The following GLIS3 variants were observed in gnomAD, a reference collection of about 807,000 sequenced individuals.
GLIS3 encodes the protein zinc finger protein GLIS3.
A neutral mutation model predicts 78.6 loss-of-function variants in GLIS3; 53 were observed. The observed-to-expected ratio is 0.67, with a 90% confidence interval of 0.54 to 0.85. The LOEUF (loss-of-function observed/expected upper bound fraction) is 0.85. Ranked by LOEUF, GLIS3 falls within the 40% of genes least tolerant of loss-of-function variation. The pLI, the probability that GLIS3 is intolerant of heterozygous loss-of-function variation, is 0.00. For synonymous variants in GLIS3, 684 were observed against 509.9 expected (o/e 1.34, Z -4.60); for missense variants, 1,703 against 1,231.1 (o/e 1.38, Z -5.74).
chr9:4,179,079 G>A (rs1469877616), intron 2 of GLIS3, among the ~76,000 whole-genome samples: 3 of 152,110 alleles, frequency 2.0e-5, no homozygotes, highest in Admixed American at 2.0e-4. Context: ...AGTTTTGGAT[G>A]GTGCAATAAT....
intron 2 of GLIS3, among the ~76,000 whole-genome samples, chr9:4,184,436 C>G (rs10814864): frequency 0.11 from 15,987 of 152,250 alleles, 1,053 homozygotes; most frequent in East Asian, 0.22. Context: ...ACCCCCACTT[C>G]AAAGGGAGAC....
intron 2 of GLIS3, among the ~76,000 whole-genome samples, chr9:4,228,986 T>C (rs1480357716): frequency 6.7e-6 from 1 of 148,550 alleles, no homozygotes; most frequent in Non-Finnish European, 1.5e-5. Context: ...AGCAAGATTC[T>C]AGCAATAGTT....
chr9:4,436,366 A>T, the GLIS3 span, among the ~76,000 whole-genome samples: 2 of 152,254 alleles, frequency 1.3e-5, no homozygotes, highest in South Asian at 4.1e-4. Context: ...AATAGGAAAT[A>T]AGATAAAATT....
chr9:3,906,363 G>A (rs1823701184), intron 6 of GLIS3, among the ~76,000 whole-genome samples: 1 of 152,186 alleles, frequency 6.6e-6, no homozygotes, highest in African/African-American at 2.4e-5. Flanking sequence ...GAGGGGGTGA[G>A]AAGTGGTCCA....
chr9:3,944,289 A>G (rs73641233), intron 4 of GLIS3, among the ~76,000 whole-genome samples: 1,943 of 152,360 alleles, frequency 0.013, 40 homozygotes, highest in African/African-American at 0.045. Flanking sequence ...GAAATTATCA[A>G]GTGTCTGGTT....
intron 4 of GLIS3, among the ~76,000 whole-genome samples, chr9:4,084,182 G>C (rs1828799490): frequency 6.6e-6 from 1 of 151,602 alleles, no homozygotes; most frequent in Non-Finnish European, 1.5e-5. Context: ...AAAAGACTAC[G>C]AAGCCCTCAA....
At chr9:4,306,442 A>G (rs1481225183) in intron 4 of GLIS3, among the ~76,000 whole-genome samples, 2 of 152,240 alleles carry the variant, frequency 1.3e-5, no homozygotes, top group Non-Finnish European at 2.9e-5. Context: ...AGGGTCAGAT[A>G]GAGTAGTTTA....
intron 2 of GLIS3, among the ~76,000 whole-genome samples, chr9:4,271,414 C>T (rs1439939652): frequency 6.6e-6 from 1 of 152,096 alleles, no homozygotes; most frequent in Non-Finnish European, 1.5e-5. Flanking sequence ...GTTCAAAGGT[C>T]AATGGTATAT....
intron 4 of GLIS3, among the ~76,000 whole-genome samples, chr9:4,058,033 G>C (rs1050362981): frequency 6.6e-6 from 1 of 152,150 alleles, no homozygotes; most frequent in Non-Finnish European, 1.5e-5. Context: ...TTTTGAATGA[G>C]TGACCTCTCC....
the GLIS3 span, among the ~76,000 whole-genome samples, chr9:4,373,404 C>T: frequency 3.3e-5 from 5 of 152,138 alleles, no homozygotes; most frequent in East Asian, 1.9e-4. Context: ...GTAGGGGATG[C>T]GGATGGGAGG....
chr9:4,412,170 A>ATGCTT, the GLIS3 span, among the ~76,000 whole-genome samples: 1 of 152,206 alleles, frequency 6.6e-6, no homozygotes, highest in East Asian at 1.9e-4. Flanking sequence ...CTCTTCCAAG[A>ATGCTT]AGGCATACCT....
intron 2 of GLIS3, among the ~76,000 whole-genome samples, chr9:4,324,093 T>C (rs978992304): frequency 1.3e-5 from 2 of 152,224 alleles, no homozygotes; most frequent in African/African-American, 4.8e-5. Flanking sequence ...CAATATGCCA[T>C]CTCAACCCTA....
intron 2 of GLIS3, among the ~76,000 whole-genome samples, chr9:4,262,190 G>A (rs1050279010): frequency 1.3e-5 from 2 of 152,124 alleles, no homozygotes; most frequent in African/African-American, 4.8e-5. Flanking sequence ...AAAGGAGACG[G>A]AAAACTCTCC....
At chr9:4,084,922 G>C (rs1828895413) in intron 4 of GLIS3, among the ~76,000 whole-genome samples, 1 of 151,624 alleles carries the variant, frequency 6.6e-6, no homozygotes, top group South Asian at 2.1e-4. Flanking sequence ...AGGTCAAAAA[G>C]ACGCAGATAA....
Position 4,232,205 on chromosome 9 carries a change from C to G in GLIS3, c.388+53833G>C, listed in dbSNP as rs983635410. Among the ~76,000 whole-genome samples, 4 of 151,972 alleles carry G rather than the reference C, an allele frequency of 2.6e-5. No individual in the cohort carries two copies. In the East Asian group the frequency reaches 7.7e-4, roughly 29 times the overall value. Reference sequence around the variant, plus strand: ...CCATCCTAAGCAACATAGCAAGATTCTGTCTCTACAGAAAAATTTAAAAAT... The same window carrying G: ...CCATCCTAAGCAACATAGCAAGATTGTGTCTCTACAGAAAAATTTAAAAAT... On this transcript the variant is annotated intron_variant, in intron 2 of 10. Coordinates refer to ENST00000381971, the MANE Select transcript of GLIS3 (RefSeq NM_001042413.2).
chr9:3,969,450 C>T (rs960232446), intron 4 of GLIS3, among the ~76,000 whole-genome samples: 5 of 152,178 alleles, frequency 3.3e-5, no homozygotes, highest in African/African-American at 1.2e-4. Flanking sequence ...CAAAGTAGAC[C>T]TTCTTTTGGT....
the GLIS3 span, among the ~76,000 whole-genome samples, chr9:4,456,651 C>G: frequency 6.6e-6 from 1 of 152,162 alleles, no homozygotes; most frequent in Non-Finnish European, 1.5e-5. Flanking sequence ...TAGGATTAAT[C>G]TTTTCCAGCT....
intron 6 of GLIS3, among the ~76,000 whole-genome samples, chr9:3,902,666 G>A (rs557715104): frequency 6.6e-6 from 1 of 152,268 alleles, no homozygotes; most frequent in East Asian, 1.9e-4. Context: ...GGTCTGCGAT[G>A]CGTTTCTAAG....
intron 4 of GLIS3, among the ~76,000 whole-genome samples, chr9:4,087,390 G>T (rs1829122846): frequency 6.6e-6 from 1 of 152,120 alleles, no homozygotes; most frequent in African/African-American, 2.4e-5. Flanking sequence ...GATGAAAAAA[G>T]TTTTGAGATG....
Sources: gnomAD v4.1 joint callset for allele counts (sites outside exome capture counted in the v4.1 genomes callset) on GRCh38, gnomAD v4.1.1 for gene constraint, MANE v1.5 for transcripts, NCBI Gene and HGNC (gene_info 2026-07-23, HGNC 2026-07-21) for gene names.